Variants in FREM2 observed in about 807,000 individuals in gnomAD.
FREM2 encodes FRAS1-related extracellular matrix protein 2.
In FREM2, 119 loss-of-function variants were observed where a neutral mutation model predicts 219.9. The ratio of observed to expected loss-of-function variants is 0.54; its 90% CI spans 0.47 to 0.63. The LOEUF is 0.63. FREM2 is among the 30% of genes least tolerant of loss of function. FREM2 has a pLI of 0.00. For synonymous variants in FREM2, 1,562 were observed against 1,522.8 expected (o/e 1.03, Z -0.60); for missense variants, 4,030 against 3,993.6 (o/e 1.01, Z -0.25).
At chr13:38,862,292 T>G (rs1877789997) in intron 15 of FREM2, among the ~76,000 whole-genome samples, 1 of 152,210 alleles carries the variant, frequency 6.6e-6, no homozygotes, top group Non-Finnish European at 1.5e-5. Context: ...GTCTTCCTAT[T>G]ACAACCTGAG....
At chr13:38,724,928 T>C (rs918268863) in intron 2 of FREM2, among the ~76,000 whole-genome samples, 4 of 152,208 alleles carry the variant, frequency 2.6e-5, no homozygotes, top group Non-Finnish European at 5.9e-5. Flanking sequence ...ATGATAAACA[T>C]ACTTGGGTAA....
rs1211243982 is a variant in FREM2 at position 38,735,604 on chromosome 13, A to G, written c.5264-28700A>G. Among the ~76,000 whole-genome samples, 6 of 152,214 alleles carry G rather than the reference A, an allele frequency of 3.9e-5. No individual in the cohort carries two copies. The South Asian group carries it at 6.2e-4, about 16-fold the overall frequency. On this transcript the variant is annotated intron_variant, in intron 2 of 23. Transcript: ENST00000280481. The stretch of plus-strand genomic sequence containing the variant: ...TATAGCAAGCGCTTAAAAAAAATGC[A>G]TACTCAGGAACTACTTAAAAAAACG...
At chr13:38,754,183 G>C (rs969191125) in intron 2 of FREM2, among the ~76,000 whole-genome samples, 1 of 152,028 alleles carries the variant, frequency 6.6e-6, no homozygotes, top group Non-Finnish European at 1.5e-5. Flanking sequence ...CATCAAACCA[G>C]AGGGTCTTAA....
At chr13:38,837,179 T>A (rs1876746357) in intron 6 of FREM2, among the ~76,000 whole-genome samples, 1 of 152,232 alleles carries the variant, frequency 6.6e-6, no homozygotes, top group Admixed American at 6.5e-5. Context: ...TACTTCTTCC[T>A]GCCTTAATTT....
At chr13:38,795,948 G>T (rs1249024469) in intron 6 of FREM2, among the ~76,000 whole-genome samples, 4 of 152,114 alleles carry the variant, frequency 2.6e-5, no homozygotes, top group Non-Finnish European at 5.9e-5. Context: ...TGGCCAGATA[G>T]TATTCCCTTG....
chr13:38,878,670 TA>T (rs200067311), intron 22 of FREM2, among the ~76,000 whole-genome samples, 160 bp from the exon 23 acceptor site: 2 of 151,658 alleles, frequency 1.3e-5, no homozygotes, highest in Non-Finnish European at 2.9e-5. Context: ...CCCCGTCTCT[TA>T]AAAAAAATAG....
At chr13:38,868,833 A>C (rs1354291124) in intron 16 of FREM2, among the ~76,000 whole-genome samples, 1 of 152,222 alleles carries the variant, frequency 6.6e-6, no homozygotes, top group Non-Finnish European at 1.5e-5. Flanking sequence ...GAGCCTTCCA[A>C]ACTTTTGCAT....
At chr13:38,813,553 CTCTCTCTCTCTATA>C (rs1455226166) in intron 6 of FREM2, among the ~76,000 whole-genome samples, 2 of 29,046 alleles carry the variant, frequency 6.9e-5, no homozygotes, top group Non-Finnish European at 1.1e-4. Context: ...CTCTCTCTCT[CTCTCTCTCTCTATA>C]TATATATATA....
At chr13:38,836,441 G>A (rs151076815) in intron 6 of FREM2, among the ~76,000 whole-genome samples, 158 of 152,224 alleles carry the variant, frequency 1.0e-3, no homozygotes, top group African/African-American at 3.8e-3. Context: ...TTTGGTATCA[G>A]GATGATGCTG....
At chr13:38,795,318 T>C (rs1252768030) in intron 6 of FREM2, among the ~76,000 whole-genome samples, 1 of 118,582 alleles carries the variant, frequency 8.4e-6, no homozygotes, top group African/African-American at 2.6e-5. Context: ...TATATGGCTT[T>C]CCAACATATT....
chr13:38,867,425 T>C (rs1878008453), intron 16 of FREM2, among the ~76,000 whole-genome samples: 1 of 152,394 alleles, frequency 6.6e-6, no homozygotes, highest in South Asian at 2.1e-4. Flanking sequence ...CTAAAATCCT[T>C]ATTGTAAATT....
intron 6 of FREM2, among the ~76,000 whole-genome samples, chr13:38,814,902 C>A (rs1164846543): frequency 6.6e-6 from 1 of 152,174 alleles, no homozygotes; most frequent in Non-Finnish European, 1.5e-5. Context: ...GCATAAAGCC[C>A]AAGGGCTTTT....
At chr13:38,851,977 G>A (rs2137912509) in intron 11 of FREM2, 109 bp downstream of exon 11, 4 of 1,004,034 alleles carry the variant, frequency 4.0e-6, no homozygotes, top group Non-Finnish European at 6.2e-6. Context: ...TCAAAATAGG[G>A]CACTCTTTTT....
Position 38,689,816 on chromosome 13 carries a change from C to G in FREM2, c.2472C>G (p.Pro824=). The change falls in exon 1 of 24, where the codon CCC becomes CCG. Residue 824 remains proline (P), a synonymous_variant. Transcript: ENST00000280481. ...APGTFTLYLH[P]VDNQPPEILN... is the part of the protein sequence containing the mutation. ...GTACCTTTACCCTTTACTTGCATCC[C>G]GTGGACAACCAGCCACCTGAGATCC... The G allele has an allele frequency of 6.2e-7, 1 of 1,614,042 alleles. No homozygotes were observed.
intron 6 of FREM2, among the ~76,000 whole-genome samples, chr13:38,800,717 C>T (rs1489761735): frequency 1.3e-5 from 2 of 152,190 alleles, no homozygotes; most frequent in African/African-American, 2.4e-5. Flanking sequence ...GCAAACTCCA[C>T]CTCCCGGGTT....
rs929214992 is a variant in FREM2 at position 38,768,000 on chromosome 13, C to T, written c.5411-1578C>T. ...TATATAAATACATATTCAAATGACT[C>T]TTATATAAGCACTACGAAGGCAAGA... On this transcript the variant is annotated intron_variant, in intron 3 of 23. Transcript: ENST00000280481. Among the ~76,000 whole-genome samples the T allele has an allele frequency of 2.0e-5, 3 of 152,086 alleles. No homozygotes were observed. The South Asian group carries it at 6.2e-4, about 32-fold the overall frequency.
In FREM2 at chr13:38,690,179, T is replaced by C; in HGVS notation, c.2835T>C (p.His945=). ...ATGATGAAGTGCCCATACTGAGCCA[T>C]CCTACTGGCACTCTGGAGTCCTATC... is the stretch of plus-strand genomic sequence containing the variant. ...PVDDEVPILS[H]PTGTLESYLD... is the part of the protein sequence containing the mutation. The change falls in exon 1 of 24, where the codon CAT becomes CAC. Residue 945 remains histidine, a synonymous_variant. Transcript: ENST00000280481. The C allele has an allele frequency of 6.2e-7, 1 of 1,614,116 alleles. No individual in the cohort carries two copies. Among genetic ancestry groups the C allele is most frequent in the Non-Finnish European group, 8.5e-7 (1 of 1,179,990 alleles).
chr13:38,687,301 C>T lies in FREM2; in HGVS notation c.-44C>T, dbSNP rs375085785. 9.5e-5 allele frequency: 148 copies of T among 1,563,032 alleles called. No homozygotes were observed. The African/African-American group carries it at 1.7e-3, about 18-fold the overall frequency. On this transcript the variant is annotated 5_prime_UTR_variant, in exon 1 of 24. Transcript: ENST00000280481. ...TTGTTGTCTGCCCGGGGACCGACTT[C>T]GCATGCTCTCAGGCTGACCTGTCCA...
At chr13:38,693,086 A>G (rs1331355727) in intron 1 of FREM2, among the ~76,000 whole-genome samples, 2 of 152,228 alleles carry the variant, frequency 1.3e-5, no homozygotes, top group Non-Finnish European at 2.9e-5. Context: ...AAAATTGTTA[A>G]TAATATTTCA....
Sources: allele counts gnomAD v4.1 joint callset (sites outside exome capture counted in the v4.1 genomes callset), GRCh38; gene constraint gnomAD v4.1.1; transcripts MANE v1.5; gene names NCBI Gene and HGNC (gene_info 2026-07-23, HGNC 2026-07-21).